The following DLG2 variants were observed in gnomAD, a reference collection of about 807,000 sequenced individuals.
DLG2 encodes disks large homolog 2.
Under a neutral mutation model 132.5 loss-of-function variants are expected in DLG2, and 45 were observed. The ratio of observed to expected loss-of-function variants is 0.34; its 90% CI spans 0.27 to 0.44. DLG2 has a LOEUF of 0.44. DLG2 is among the 20% of genes least tolerant of loss of function. The pLI, the probability that DLG2 is intolerant of heterozygous loss-of-function variation, is 1.00. For synonymous variants in DLG2, 424 were observed against 419.6 expected, an observed-to-expected ratio of 1.01 and a Z score of -0.13; for missense variants, 1,045 against 1,196.9, an observed-to-expected ratio of 0.87 and a Z score of 1.87.
At chr11:84,967,144 T>C (rs1276592645) in intron 6 of DLG2, among the ~76,000 whole-genome samples, 2 of 152,160 alleles carry the variant, frequency 1.3e-5, no homozygotes, top group Non-Finnish European at 2.9e-5. Flanking sequence ...AGCTCAATGT[T>C]TTTAAGAAGG....
intron 6 of DLG2, among the ~76,000 whole-genome samples, chr11:85,049,962 A>C (rs1195817652): frequency 1.3e-5 from 2 of 152,064 alleles, no homozygotes; most frequent in African/African-American, 2.4e-5. Context: ...ATTTGAACCT[A>C]TACATCTATG....
chr11:84,573,422 G>A (rs1458604067), intron 6 of DLG2, among the ~76,000 whole-genome samples: 1 of 152,002 alleles, frequency 6.6e-6, no homozygotes, highest in Non-Finnish European at 1.5e-5. Context: ...AAACATAAAT[G>A]ACCGATTATT....
intron 6 of DLG2, among the ~76,000 whole-genome samples, chr11:84,852,050 A>G (rs1197495731): frequency 6.6e-6 from 1 of 152,014 alleles, no homozygotes; most frequent in African/African-American, 2.4e-5. Context: ...GCTTTCATTT[A>G]TTTATTTAGA....
In DLG2 at chr11:85,168,169, C is replaced by T. The variant is rs372571508; in HGVS notation, c.187-13518G>A. Among the ~76,000 whole-genome samples, 121 of 152,030 alleles carry T rather than the reference C, an allele frequency of 8.0e-4. 1 individual carries two copies. Among genetic ancestry groups the T allele is most frequent in the African/African-American group, 2.7e-3 (111 of 41,466 alleles). Reference sequence around the variant, plus strand: ...TAAAGAAGATGTTTTGGGGAAAACACAAAGAAGACAGTGTCCAAAAAGAAT... The same window carrying T: ...TAAAGAAGATGTTTTGGGGAAAACATAAAGAAGACAGTGTCCAAAAAGAAT... On this transcript the variant is annotated intron_variant, in intron 4 of 27. Coordinates refer to ENST00000376104, the MANE Select transcript of DLG2 (RefSeq NM_001142699.3).
At chr11:83,613,047 C>G (rs1383433449) in intron 19 of DLG2, among the ~76,000 whole-genome samples, 1 of 152,244 alleles carries the variant, frequency 6.6e-6, no homozygotes, top group African/African-American at 2.4e-5. Flanking sequence ...ACCAGGCAGG[C>G]TGGCCTAATG....
intron 6 of DLG2, among the ~76,000 whole-genome samples, chr11:84,981,759 C>A (rs2055777967): frequency 1.3e-5 from 2 of 152,120 alleles, no homozygotes; most frequent in Admixed American, 1.3e-4. Context: ...TGCCTCTCTC[C>A]TCCCTTTCAC....
chr11:85,613,016 T>TA (rs1334540477), intron 2 of DLG2, among the ~76,000 whole-genome samples: 1 of 152,216 alleles, frequency 6.6e-6, no homozygotes, highest in Non-Finnish European at 1.5e-5. Context: ...GTGTTGTTTT[T>TA]ATACTAACCA....
At chr11:84,749,686 G>A (rs528390850) in intron 6 of DLG2, among the ~76,000 whole-genome samples, 3 of 152,076 alleles carry the variant, frequency 2.0e-5, no homozygotes, top group Non-Finnish European at 4.4e-5. Flanking sequence ...TATCCCTCTC[G>A]TTAAGTGATG....
chr11:83,593,523 T>C (rs751560232), intron 19 of DLG2, among the ~76,000 whole-genome samples: 2,253 of 151,812 alleles, frequency 0.015, 29 homozygotes, highest in Middle Eastern at 0.041. Flanking sequence ...AGGGATAGCA[T>C]TGGGAGATAT....
intron 6 of DLG2, among the ~76,000 whole-genome samples, chr11:85,014,275 A>C (rs1238741143): frequency 6.6e-6 from 1 of 152,216 alleles, no homozygotes; most frequent in Admixed American, 6.5e-5. Context: ...GCTGTAAAGA[A>C]TAAGTGCAAC....
rs778579606 is a variant in DLG2, at chr11:83,859,992, C to T, written c.1565+14428G>A. Among the ~76,000 whole-genome samples the T allele has an allele frequency of 4.0e-4, 61 of 152,282 alleles. 1 individual carries two copies. The highest frequency in any genetic ancestry group is 7.8e-4 in the Admixed American group (12 of 15,304). On this transcript the variant is annotated intron_variant, in intron 16 of 27. Transcript: ENST00000376104. ...TGGCAGCTTCCATGTGGTGTTGAGC[C>T]TGTGATGGCACAGAAGTCAAGAATT...
At chr11:84,609,737 T>G (rs1200117726) in intron 6 of DLG2, among the ~76,000 whole-genome samples, 1 of 152,156 alleles carries the variant, frequency 6.6e-6, no homozygotes, top group Non-Finnish European at 1.5e-5. Context: ...TTGGATATAC[T>G]AGTAGAGGAT....
At chr11:84,949,551 C>T (rs1287395372) in intron 6 of DLG2, among the ~76,000 whole-genome samples, 2 of 152,080 alleles carry the variant, frequency 1.3e-5, no homozygotes, top group Non-Finnish European at 2.9e-5. Context: ...GTTCAGAGAC[C>T]TACCCCTAGG....
chr11:85,083,274 A>T (rs2154172685), intron 6 of DLG2, among the ~76,000 whole-genome samples: 1 of 152,288 alleles, frequency 6.6e-6, no homozygotes, highest in African/African-American at 2.4e-5. Flanking sequence ...CCTCCTGGGT[A>T]TCAGAACCTG....
chr11:83,900,671 G>A (rs1189359500), intron 15 of DLG2, among the ~76,000 whole-genome samples: 3 of 152,206 alleles, frequency 2.0e-5, no homozygotes, highest in Non-Finnish European at 4.4e-5. Flanking sequence ...GAGGATATAT[G>A]GAAATACCTG....
chr11:85,618,157 T>C (rs1327169640), intron 2 of DLG2, among the ~76,000 whole-genome samples: 1 of 152,200 alleles, frequency 6.6e-6, no homozygotes, highest in Non-Finnish European at 1.5e-5. Context: ...ATAAAACTCA[T>C]GATCCTTTGC....
intron 6 of DLG2, among the ~76,000 whole-genome samples, chr11:85,042,037 T>C (rs1351567587): frequency 2.0e-5 from 3 of 151,792 alleles, no homozygotes; most frequent in African/African-American, 4.8e-5. Context: ...ACTCTACAAT[T>C]CATCCATGTA....
chr11:83,909,654 A>G (rs1454471524), intron 15 of DLG2, among the ~76,000 whole-genome samples: 2 of 152,228 alleles, frequency 1.3e-5, no homozygotes, highest in Non-Finnish European at 2.9e-5. Flanking sequence ...TTTTAAATTT[A>G]TGATGAAACG....
intron 5 of DLG2, among the ~76,000 whole-genome samples, chr11:85,146,227 C>CCT (rs35640163): frequency 0.095 from 12,213 of 128,992 alleles, 696 homozygotes; most frequent in African/African-American, 0.17. Context: ...TCTGTTTCTC[C>CCT]CTCTCTCTCT....
Sources: allele counts gnomAD v4.1 joint callset (sites outside exome capture counted in the v4.1 genomes callset), GRCh38; gene constraint gnomAD v4.1.1; transcripts MANE v1.5; gene names NCBI Gene and HGNC (gene_info 2026-07-23, HGNC 2026-07-21).